The following ACSBG2 variants were observed in gnomAD, a reference collection of about 807,000 sequenced individuals.
ACSBG2 encodes the protein acyl-CoA synthetase bubblegum family member 2.
Under a neutral mutation model 74.7 loss-of-function variants are expected in ACSBG2, and 62 were observed. That is an observed-to-expected ratio of 0.83 (90% confidence interval 0.68 to 1.03). The LOEUF (loss-of-function observed/expected upper bound fraction) is 1.03, where lower values mean the gene tolerates loss of function less well. Among genes scored for constraint, ACSBG2 ranks in the 50% least tolerant of loss-of-function variants. The pLI, the probability that ACSBG2 is intolerant of heterozygous loss-of-function variation, is 0.00. For missense variants in ACSBG2, 730 were observed against 817.6 expected, an observed-to-expected ratio of 0.89 and a Z score of 1.31; for synonymous variants, 309 against 294.1, an observed-to-expected ratio of 1.05 and a Z score of -0.52.
intron 5 of ACSBG2, among the ~76,000 whole-genome samples, chr19:6,159,948 C>T (rs77045924): frequency 0.029 from 4,478 of 152,262 alleles, 134 homozygotes; most frequent in African/African-American, 0.075. Context: ...AGCTGCTATA[C>T]GGGCTTCTGC....
chr19:6,184,874 G>GAAAAAAAAAAAA (rs1305163415), intron 10 of ACSBG2, among the ~76,000 whole-genome samples: 66 of 49,208 alleles, frequency 1.3e-3, no homozygotes, highest in South Asian at 3.2e-3. Context: ...AAAAAAAAAC[G>GAAAAAAAAAAAA]AAAAACAGCC....
intron 13 of ACSBG2, among the ~76,000 whole-genome samples, chr19:6,189,215 C>T (rs988258528): frequency 1.3e-5 from 2 of 152,112 alleles, no homozygotes; most frequent in Non-Finnish European, 2.9e-5. Context: ...GGCTTGCCAT[C>T]GTCCTTAATA....
At chr19:6,182,210 T>TA (rs768684675) in intron 8 of ACSBG2, among the ~76,000 whole-genome samples, 8,707 of 145,414 alleles carry the variant, frequency 0.06, 541 homozygotes, top group African/African-American at 0.17. Flanking sequence ...AATTTGTATT[T>TA]AAAAAAAAAA....
At chr19:6,141,745 TTG>T in intron 2 of ACSBG2, 135 bp downstream of exon 2, 1 of 646,066 alleles carries the variant, frequency 1.5e-6, no homozygotes, top group South Asian at 1.9e-5. Flanking sequence ...CCCCACCCTT[TTG>T]TTTTGAGACA....
intron 7 of ACSBG2, among the ~76,000 whole-genome samples, chr19:6,167,204 A>C (rs1258589764): frequency 6.6e-6 from 1 of 152,224 alleles, no homozygotes; most frequent in Non-Finnish European, 1.5e-5. Flanking sequence ...AGTTACCAGC[A>C]CACACTGGTG....
chr19:6,190,816 C>CACAT (rs1313097852), intron 14 of ACSBG2, 124 bp downstream of exon 14: 1 of 435,528 alleles, frequency 2.3e-6, no homozygotes, highest in East Asian at 3.9e-5. Flanking sequence ...CATACATACA[C>CACAT]ACACACACAC....
At position 6,139,094 on chromosome 19, in the gene ACSBG2, T is replaced by TA. The variant is rs202100283; in HGVS notation, c.-31-2419_-31-2418insA. ...TACTTATTTTTAAAATTAAACTTAT[T>TA]TTTTTTTTTTTGAGATACAGTTTTG... On this transcript the variant is annotated intron_variant, in intron 1 of 14. Transcript: ENST00000588485. Among the ~76,000 whole-genome samples, 1,245 of 150,134 alleles carry TA rather than the reference T, an allele frequency of 8.3e-3. 8 individuals carry two copies. Among genetic ancestry groups the TA allele is most frequent in the East Asian group, 0.012 (64 of 5,122 alleles).
At chr19:6,164,885 C>T (rs1163049758) in intron 6 of ACSBG2, among the ~76,000 whole-genome samples, 3 of 152,214 alleles carry the variant, frequency 2.0e-5, no homozygotes, top group Admixed American at 6.5e-5. Flanking sequence ...AGAGCACAGG[C>T]TCTGGAGTCA....
chr19:6,142,887 T>C (rs1354057912), intron 2 of ACSBG2, among the ~76,000 whole-genome samples: 1 of 151,954 alleles, frequency 6.6e-6, no homozygotes, highest in East Asian at 1.9e-4. Flanking sequence ...AGTTTGGGGA[T>C]GCTACCTTTA....
chr19:6,156,370 C>A, intron 4 of ACSBG2, 61 bp from the exon 5 acceptor site: 2 of 1,510,652 alleles, frequency 1.3e-6, no homozygotes, highest in South Asian at 1.3e-5. Context: ...TTTGACCTTC[C>A]AGACCATTCT....
chr19:6,190,897 G>C, intron 14 of ACSBG2: 1 of 448,092 alleles, frequency 2.2e-6, no homozygotes, highest in South Asian at 2.7e-5. Context: ...AACTCATGCT[G>C]TCTCTACTCT....
chr19:6,165,863 C>T lies in ACSBG2; in HGVS notation c.589-3C>T. The T allele has an allele frequency of 6.2e-7, 1 of 1,613,974 alleles. No homozygotes were observed. Among genetic ancestry groups the T allele is most frequent in the African/African-American group, 1.3e-5 (1 of 75,028 alleles). On this transcript the variant is annotated splice_polypyrimidine_tract_variant and splice_region_variant and intron_variant, in intron 6 of 14. Transcript: ENST00000588485. ...ATCCTCCGCTTGTCTTTTCTGTCCA[C>T]AGTGGGATGATTTCATGGAACTTGG...
intron 8 of ACSBG2, among the ~76,000 whole-genome samples, chr19:6,182,237 C>T (rs748768221): frequency 6.6e-6 from 1 of 151,506 alleles, no homozygotes; most frequent in Non-Finnish European, 1.5e-5. Context: ...GCCTAGATTT[C>T]GATAGGGGTT....
intron 11 of ACSBG2, among the ~76,000 whole-genome samples, chr19:6,186,939 T>G (rs1403004616): frequency 6.6e-6 from 1 of 151,578 alleles, no homozygotes; most frequent in Non-Finnish European, 1.5e-5. Context: ...TCAAGTGATC[T>G]GCCCACCTCA....
chr19:6,176,456 G>T, intron 7 of ACSBG2: 1 of 1,356,598 alleles, frequency 7.4e-7, no homozygotes, highest in South Asian at 1.4e-5. Context: ...GTAACATAAG[G>T]GACAATCCAA....
chr19:6,163,270 A>G (rs2089686127), intron 6 of ACSBG2, among the ~76,000 whole-genome samples: 2 of 73,586 alleles, frequency 2.7e-5, no homozygotes, highest in African/African-American at 7.3e-5. Context: ...CAACATGGTG[A>G]AACCCCGTCT....
rs948765249 is a variant in ACSBG2 at position 6,173,242 on chromosome 19, G to A, written c.739-3987G>A. Among the ~76,000 whole-genome samples, 14 of 152,274 alleles carry A rather than the reference G, an allele frequency of 9.2e-5. No individual in the cohort carries two copies. The East Asian group carries it at 1.5e-3, about 17-fold the overall frequency. On this transcript the variant is annotated intron_variant, in intron 7 of 14. Coordinates refer to ENST00000588485, the MANE Select transcript of ACSBG2 (RefSeq NM_030924.5). Reference sequence around the variant, plus strand: ...CTTGTGCTTGCCAAAGTCACAGCGCGTTGTGGGGTATGTTTGTGGGGAATC... The same window carrying A: ...CTTGTGCTTGCCAAAGTCACAGCGCATTGTGGGGTATGTTTGTGGGGAATC...
chr19:6,136,668 A>G (rs973900321), intron 1 of ACSBG2, among the ~76,000 whole-genome samples: 15 of 152,092 alleles, frequency 9.9e-5, no homozygotes, highest in African/African-American at 3.4e-4. Flanking sequence ...TGAACCCTAC[A>G]TGGCCTTTTA....
chr19:6,173,329 C>T (rs1346515179), intron 7 of ACSBG2, among the ~76,000 whole-genome samples: 2 of 152,164 alleles, frequency 1.3e-5, no homozygotes, highest in Non-Finnish European at 2.9e-5. Flanking sequence ...CACAGGTGCA[C>T]AACCAGTGTG....
Sources: gnomAD v4.1 joint callset for allele counts (sites outside exome capture counted in the v4.1 genomes callset) on GRCh38, gnomAD v4.1.1 for gene constraint, MANE v1.5 for transcripts, NCBI Gene and HGNC (gene_info 2026-07-23, HGNC 2026-07-21) for gene names.